The following EYA1 variants were observed in gnomAD, a reference collection of about 807,000 sequenced individuals.
EYA1 encodes the protein EYA transcriptional coactivator and phosphatase 1.
EYA1 carries 16 observed loss-of-function variants against 82.0 expected under a neutral mutation model. The ratio of observed to expected loss-of-function variants is 0.20; its 90% CI spans 0.13 to 0.30. The LOEUF (loss-of-function observed/expected upper bound fraction) is 0.30, where lower values mean the gene tolerates loss of function less well. Among genes scored for constraint, EYA1 ranks in the 10% least tolerant of loss-of-function variants. The pLI is 1.00. For synonymous variants in EYA1, 261 were observed against 264.4 expected, an observed-to-expected ratio of 0.99 and a Z score of 0.12; for missense variants, 633 against 730.7, an observed-to-expected ratio of 0.87 and a Z score of 1.54.
intron 2 of EYA1, among the ~76,000 whole-genome samples, chr8:71,494,773 T>C (rs556033376): frequency 6.6e-5 from 10 of 152,242 alleles, no homozygotes; most frequent in Admixed American, 4.6e-4. Flanking sequence ...ATCTAAAATA[T>C]GTATAAGGAA....
At chr8:71,235,893 G>A (rs1173153549) in intron 12 of EYA1, among the ~76,000 whole-genome samples, 1 of 152,088 alleles carries the variant, frequency 6.6e-6, no homozygotes, top group Admixed American at 6.5e-5. Flanking sequence ...CCTTTAATAT[G>A]TCATAGACAT....
chr8:71,299,826 G>C (rs373833408), intron 7 of EYA1, 106 bp from the exon 8 acceptor site: 11 of 741,730 alleles, frequency 1.5e-5, no homozygotes, highest in East Asian at 5.0e-5. Context: ...GTTTATCTTC[G>C]ACACTAGAAT....
chr8:71,343,254 G>A (rs997424394), intron 3 of EYA1, among the ~76,000 whole-genome samples: 8 of 152,110 alleles, frequency 5.3e-5, no homozygotes, highest in African/African-American at 1.9e-4. Flanking sequence ...TTTGGAGCTG[G>A]TGCTATATTC....
At chr8:71,333,153 CAAA>C (rs754770228) in intron 4 of EYA1, among the ~76,000 whole-genome samples, 1 of 152,144 alleles carries the variant, frequency 6.6e-6, no homozygotes, top group South Asian at 2.1e-4. Flanking sequence ...CATTGCCAAG[CAAA>C]AGTCAAATTC....
intron 7 of EYA1, among the ~76,000 whole-genome samples, chr8:71,308,702 C>CTT (rs539041365): frequency 4.8e-5 from 6 of 124,328 alleles, no homozygotes; most frequent in African/African-American, 8.8e-5. Context: ...CTTCAAAAAG[C>CTT]TTTTTTTTTT....
At chr8:71,483,054 G>A (rs1193106772) in intron 2 of EYA1, among the ~76,000 whole-genome samples, 1 of 152,158 alleles carries the variant, frequency 6.6e-6, no homozygotes. Flanking sequence ...ACAGACCCCT[G>A]CTCAAGCCCA....
rs150415048 is a variant in EYA1 at position 71,404,098 on chromosome 8, G to C, written c.34-47587C>G. ...CGAAGTCAGATTGAAAATGGCAACAGGGTCCAAATAATGAAGGACGAACAT... is the reference window on the plus strand; with the variant it reads ...CGAAGTCAGATTGAAAATGGCAACACGGTCCAAATAATGAAGGACGAACAT... On this transcript the variant is annotated intron_variant, in intron 2 of 18. Transcript: ENST00000643681. The C allele has an allele frequency of 2.6e-5, 4 of 152,312 alleles. No homozygotes were observed. In the East Asian group the frequency reaches 7.7e-4, roughly 29 times the overall value. 9.4% of individuals were successfully genotyped at this position (152,312 alleles called of 1,614,324 possible).
intron 1 of EYA1, among the ~76,000 whole-genome samples, chr8:71,536,281 T>G (rs1814705002): frequency 6.6e-6 from 1 of 152,194 alleles, no homozygotes. Flanking sequence ...AATATGATTG[T>G]AGTCTGAACA....
intron 2 of EYA1, among the ~76,000 whole-genome samples, chr8:71,452,605 G>A (rs1807485940): frequency 6.6e-6 from 1 of 152,200 alleles, no homozygotes; most frequent in Non-Finnish European, 1.5e-5. Flanking sequence ...AACAGTTGAT[G>A]TTCAGCAATA....
intron 2 of EYA1, among the ~76,000 whole-genome samples, chr8:71,406,952 C>T (rs1324481951): frequency 5.0e-5 from 7 of 141,070 alleles, no homozygotes; most frequent in African/African-American, 1.5e-4. Flanking sequence ...CAGCAGTAAC[C>T]TCTGCAGACT....
chr8:71,354,380 C>T (rs1826630629), intron 3 of EYA1, among the ~76,000 whole-genome samples: 1 of 152,064 alleles, frequency 6.6e-6, no homozygotes, highest in Non-Finnish European at 1.5e-5. Context: ...ACAAATTCGG[C>T]TATATTTAAC....
At chr8:71,278,022 G>A (rs1032439822) in intron 9 of EYA1, among the ~76,000 whole-genome samples, 8 of 151,986 alleles carry the variant, frequency 5.3e-5, no homozygotes, top group African/African-American at 1.7e-4. Flanking sequence ...ACTGGAACTC[G>A]CAAGAGTCCA....
rs1806496935 is a variant in EYA1 at position 71,198,302 on chromosome 8, TTTG to T, written c.*1035_*1037del. ...AAAGTGAGGTGGTAGGAGAGCTCATTTTGTTTCAAATTGTTTAAGAAACTGCTG... is the reference window on the plus strand; with the variant it reads ...AAAGTGAGGTGGTAGGAGAGCTCATTTTTCAAATTGTTTAAGAAACTGCTG... On this transcript the variant is annotated 3_prime_UTR_variant, in exon 18 of 18. Transcript: ENST00000340726. 6.6e-6 allele frequency: 1 copy of T among 152,660 alleles called. No homozygotes were observed. The highest frequency in any genetic ancestry group is 2.4e-5 in the African/African-American group (1 of 41,464). The allele number at this position is 152,660 out of a possible 1,614,324, so 9.5% of individuals were successfully genotyped here.
chr8:71,350,643 A>G (rs1395330542), intron 3 of EYA1, among the ~76,000 whole-genome samples: 2 of 152,104 alleles, frequency 1.3e-5, no homozygotes, highest in Non-Finnish European at 2.9e-5. Flanking sequence ...CAGTTTCAAG[A>G]CAAGTTTAAG....
rs906536184 is a variant in EYA1 at position 71,375,282 on chromosome 8, A to T, written c.34-18771T>A. Reference sequence around the variant, plus strand: ...CTTAAATATATATATATAATTTTTTAAAATGGGAATACTACCTCATGCTAG... The same window carrying T: ...CTTAAATATATATATATAATTTTTTTAAATGGGAATACTACCTCATGCTAG... On this transcript the variant is annotated intron_variant, in intron 2 of 18. Coordinates refer to the EYA1 transcript ENST00000643681. 8.0e-5 allele frequency among the ~76,000 whole-genome samples: 12 copies of T among 150,528 alleles called. No homozygotes were observed. In the East Asian group the frequency reaches 9.6e-4, roughly 12 times the overall value.
intron 4 of EYA1, among the ~76,000 whole-genome samples, chr8:71,332,683 C>G (rs1824027691): frequency 6.6e-6 from 1 of 152,156 alleles, no homozygotes; most frequent in Non-Finnish European, 1.5e-5. Context: ...CATGCGACCC[C>G]TTTCCTTTGA....
At chr8:71,535,210 A>G (rs1814621783) in intron 2 of EYA1, among the ~76,000 whole-genome samples, 1 of 152,212 alleles carries the variant, frequency 6.6e-6, no homozygotes, top group Admixed American at 6.5e-5. Context: ...AACCTGTAGA[A>G]AATCTGCGAA....
chr8:71,244,670 A>T lies in EYA1; in HGVS notation c.1073T>A (p.Leu358His). The T allele has an allele frequency of 6.2e-7, 1 of 1,607,558 alleles. No individual in the cohort carries two copies. The highest frequency in any genetic ancestry group is 1.3e-5 in the African/African-American group (1 of 74,914). ...YGRDPPTSVS[L>H]GLRMEEMIFN... ...AATCATTTCTTCCATTCGCAGTCCAAGGGAAACTGAAGTGGGTGGATCCTA... is the reference window on the plus strand; with the variant it reads ...AATCATTTCTTCCATTCGCAGTCCATGGGAAACTGAAGTGGGTGGATCCTA... The change falls in exon 12 of 18, where the codon CTT (leucine) becomes CAT (histidine). Residue 358 changes from leucine to histidine, a missense_variant. Leu to His is a moderately conservative substitution (Grantham distance 99). Coordinates refer to ENST00000340726, the MANE Select transcript of EYA1 (RefSeq NM_000503.6).
chr8:71,527,062 G>A (rs1264175833), intron 2 of EYA1, among the ~76,000 whole-genome samples: 1 of 152,096 alleles, frequency 6.6e-6, no homozygotes, highest in East Asian at 1.9e-4. Flanking sequence ...GGACATCAAA[G>A]AATCATTATC....
Sources: gnomAD v4.1 joint callset for allele counts (sites outside exome capture counted in the v4.1 genomes callset) on GRCh38, gnomAD v4.1.1 for gene constraint, MANE v1.5 for transcripts, NCBI Gene and HGNC (gene_info 2026-07-23, HGNC 2026-07-21) for gene names.